ERC2: variants seen among roughly 807,000 people sequenced by gnomAD.
ERC2 encodes ELKS/RAB6-interacting/CAST family member 2.
A neutral mutation model predicts 114.8 loss-of-function variants in ERC2; 42 were observed. The ratio of observed to expected loss-of-function variants is 0.37; its 90% CI spans 0.29 to 0.47. The LOEUF (loss-of-function observed/expected upper bound fraction) is 0.47, where lower values mean the gene tolerates loss of function less well. Ranked by LOEUF, ERC2 falls within the 20% of genes least tolerant of loss-of-function variation. The pLI, the probability that ERC2 is intolerant of heterozygous loss-of-function variation, is 0.99. For synonymous variants in ERC2, 454 were observed against 425.5 expected, an observed-to-expected ratio of 1.07 and a Z score of -0.82; for missense variants, 939 against 1,150.7, an observed-to-expected ratio of 0.82 and a Z score of 2.66.
intron 3 of ERC2, among the ~76,000 whole-genome samples, chr3:56,183,709 T>A (rs756275186): frequency 6.6e-6 from 1 of 152,082 alleles, no homozygotes; most frequent in Non-Finnish European, 1.5e-5. Context: ...ACGGAGCTTA[T>A]GTTCTAGTGC....
At chr3:56,360,332 C>A (rs1051742234) in intron 2 of ERC2, among the ~76,000 whole-genome samples, 2 of 152,092 alleles carry the variant, frequency 1.3e-5, no homozygotes, top group African/African-American at 4.8e-5. Flanking sequence ...CCATGCCCGG[C>A]CAACAAAAGT....
intron 14 of ERC2, among the ~76,000 whole-genome samples, chr3:55,785,709 TG>T (rs2069430704): frequency 6.6e-6 from 1 of 152,212 alleles, no homozygotes; most frequent in East Asian, 1.9e-4. Flanking sequence ...TGCCTCTACT[TG>T]GGGTCGATTC....
At chr3:56,232,985 A>G (rs1167918254) in intron 3 of ERC2, among the ~76,000 whole-genome samples, 3 of 152,228 alleles carry the variant, frequency 2.0e-5, no homozygotes, top group East Asian at 1.9e-4. Context: ...CCCTTCAGAT[A>G]TGCATTGGCA....
intron 15 of ERC2, among the ~76,000 whole-genome samples, chr3:55,733,084 C>T (rs1024337817): frequency 3.3e-5 from 5 of 152,136 alleles, no homozygotes; most frequent in Admixed American, 2.0e-4. Context: ...ATGGTATATT[C>T]GAGCTCAAGG....
intron 6 of ERC2, among the ~76,000 whole-genome samples, chr3:56,126,807 G>GGAAAGGAAAGGA (rs2079893550): frequency 9.3e-6 from 1 of 107,460 alleles, no homozygotes; most frequent in Non-Finnish European, 1.8e-5. Flanking sequence ...AAAGGAAAGG[G>GGAAAGGAAAGGA]AAGGAAAGGA....
chr3:56,093,959 G>A (rs1367032900), intron 6 of ERC2, among the ~76,000 whole-genome samples: 1 of 152,126 alleles, frequency 6.6e-6, no homozygotes, highest in East Asian at 1.9e-4. Context: ...AGCAGACTTG[G>A]GAAACATTGT....
intron 6 of ERC2, among the ~76,000 whole-genome samples, chr3:56,125,186 A>T (rs9862232): frequency 0.99 from 150,410 of 152,292 alleles, 74,276 homozygotes; most frequent in East Asian, 1. Flanking sequence ...TTCCCTGTAT[A>T]TTATCTTTCA....
At chr3:55,828,457 T>TGGCAGCAGGGGCAGCAGGGGCAGCAGG (rs551670121) in intron 14 of ERC2, among the ~76,000 whole-genome samples, 2 of 126,234 alleles carry the variant, frequency 1.6e-5, no homozygotes, top group African/African-American at 3.1e-5. Context: ...GGAGTGTAGC[T>TGGCAGCAGGGGCAGCAGGGGCAGCAGG]GGCAGCAGGG....
At chr3:55,905,859 C>A (rs1337459021) in intron 13 of ERC2, among the ~76,000 whole-genome samples, 1 of 152,174 alleles carries the variant, frequency 6.6e-6, no homozygotes, top group Non-Finnish European at 1.5e-5. Context: ...AATGTCACCA[C>A]CTCCCAAAGG....
chr3:56,157,312 TG>T (rs2081784996), intron 4 of ERC2, among the ~76,000 whole-genome samples: 1 of 152,104 alleles, frequency 6.6e-6, no homozygotes, highest in Non-Finnish European at 1.5e-5. Context: ...GTAAAGAGGC[TG>T]GGGAGAGAGG....
chr3:56,427,732 G>C (rs1051720804), intron 2 of ERC2, among the ~76,000 whole-genome samples: 2 of 152,090 alleles, frequency 1.3e-5, no homozygotes, highest in Admixed American at 6.5e-5. Context: ...AAGGAGAGAG[G>C]CCTGGAACAG....
intron 14 of ERC2, among the ~76,000 whole-genome samples, chr3:55,766,327 C>T (rs1397436786): frequency 2.0e-5 from 3 of 150,310 alleles, no homozygotes; most frequent in South Asian, 2.1e-4. Context: ...GGGGAATAGA[C>T]GTATCAGTTT....
chr3:55,864,146 T>TATATATACAC (rs1245078039), intron 14 of ERC2, among the ~76,000 whole-genome samples: 2,219 of 121,262 alleles, frequency 0.018, 55 homozygotes, highest in African/African-American at 0.06. Flanking sequence ...TATACATATA[T>TATATATACAC]ATATATATAC....
chr3:55,772,647 T>C (rs1182529796), intron 14 of ERC2, among the ~76,000 whole-genome samples: 1 of 152,148 alleles, frequency 6.6e-6, no homozygotes, highest in South Asian at 2.1e-4. Context: ...TTGAAAAAAG[T>C]ATTTCAAGTT....
intron 7 of ERC2, among the ~76,000 whole-genome samples, chr3:56,038,612 TA>T (rs1177371518): frequency 6.6e-6 from 1 of 152,356 alleles, no homozygotes; most frequent in East Asian, 1.9e-4. Flanking sequence ...TAAATCATTC[TA>T]TTATAAATAT....
chr3:56,102,900 CT>C (rs200220674), intron 6 of ERC2, among the ~76,000 whole-genome samples: 3 of 151,590 alleles, frequency 2.0e-5, no homozygotes, highest in African/African-American at 4.8e-5. Flanking sequence ...TATTTGACAA[CT>C]TTTTTTTTGT....
intron 13 of ERC2, among the ~76,000 whole-genome samples, chr3:55,945,130 A>G (rs2067046281): frequency 6.6e-6 from 1 of 152,214 alleles, no homozygotes; most frequent in African/African-American, 2.4e-5. Context: ...ACAAATGTGG[A>G]TTCTCTTTTA....
chr3:56,335,006 C>T (rs2057787911), intron 2 of ERC2, among the ~76,000 whole-genome samples: 1 of 152,150 alleles, frequency 6.6e-6, no homozygotes. Context: ...GGTTTCACTA[C>T]GCTGGTCAGG....
At chr3:55,842,475 C>G (rs1322202827) in intron 14 of ERC2, among the ~76,000 whole-genome samples, 1 of 152,190 alleles carries the variant, frequency 6.6e-6, no homozygotes, top group South Asian at 2.1e-4. Context: ...TGCTATTCAG[C>G]TGTCCGGCAC....
Sources: allele counts gnomAD v4.1 joint callset (sites outside exome capture counted in the v4.1 genomes callset), GRCh38; gene constraint gnomAD v4.1.1; transcripts MANE v1.5; gene names NCBI Gene and HGNC (gene_info 2026-07-23, HGNC 2026-07-21).